The following CACNA2D1 variants were observed in gnomAD, a reference collection of about 807,000 sequenced individuals.
CACNA2D1 encodes the protein calcium voltage-gated channel auxiliary subunit alpha2delta 1.
Under a neutral mutation model 171.5 loss-of-function variants are expected in CACNA2D1, and 53 were observed. That is an observed-to-expected ratio of 0.31 (90% CI 0.25 to 0.39). The LOEUF is 0.39. Ranked by LOEUF, CACNA2D1 falls within the 10% of genes least tolerant of loss-of-function variation. CACNA2D1 has a pLI of 1.00. For missense variants in CACNA2D1, 903 were observed against 1,299.8 expected, an observed-to-expected ratio of 0.69 and a Z score of 4.69; for synonymous variants, 442 against 443.1, an observed-to-expected ratio of 1.00 and a Z score of 0.03.
chr7:82,156,413 T>C (rs1392945489), intron 4 of CACNA2D1, among the ~76,000 whole-genome samples: 1 of 152,126 alleles, frequency 6.6e-6, no homozygotes, highest in Non-Finnish European at 1.5e-5. Context: ...AAACTACTGC[T>C]ATAGATCAGT....
At chr7:81,996,045 A>G (rs1798010514) in intron 19 of CACNA2D1, among the ~76,000 whole-genome samples, 1 of 152,232 alleles carries the variant, frequency 6.6e-6, no homozygotes, top group Non-Finnish European at 1.5e-5. Context: ...AGGAAGGAGT[A>G]GATAACAGCT....
At chr7:82,281,753 G>A (rs371743927) in intron 3 of CACNA2D1, among the ~76,000 whole-genome samples, 12 of 152,050 alleles carry the variant, frequency 7.9e-5, no homozygotes, top group East Asian at 1.9e-4. Flanking sequence ...TCAAATGTAC[G>A]TGTCATTATG....
At chr7:82,375,655 C>T (rs1041564103) in intron 1 of CACNA2D1, among the ~76,000 whole-genome samples, 41 of 152,156 alleles carry the variant, frequency 2.7e-4, no homozygotes, top group Non-Finnish European at 7.3e-5. Flanking sequence ...ACAAAGTTAA[C>T]GAGCTTTCTG....
chr7:81,962,176 G>A (rs1794212769), intron 35 of CACNA2D1, among the ~76,000 whole-genome samples, 153 bp from the exon 36 acceptor site: 1 of 151,894 alleles, frequency 6.6e-6, no homozygotes, highest in African/African-American at 2.4e-5. Context: ...TAATATCGTG[G>A]CAGCCCGTAA....
rs764179836 is a variant in CACNA2D1 at position 82,435,030 on chromosome 7, CTTTTTTT to C, written c.95+8328_95+8334del. 3.0e-3 allele frequency among the ~76,000 whole-genome samples: 256 copies of C among 84,368 alleles called. 6 individuals are homozygous for C. In the South Asian group the frequency reaches 0.1, roughly 34 times the overall value. The allele number at this position is 84,368 out of a possible 152,430, so 55.3% of individuals were successfully genotyped here. On this transcript the variant is annotated intron_variant, in intron 1 of 38. Coordinates refer to ENST00000356860, the MANE Select transcript of CACNA2D1 (RefSeq NM_000722.4). ...TTTGTCTCCAAACTCTCTTCAGATA[CTTTTTTT>C]TTTTTTTTTTTTTTTTGAGACGGAG...
At chr7:82,272,479 C>T (rs74682954) in intron 3 of CACNA2D1, among the ~76,000 whole-genome samples, 1,646 of 152,228 alleles carry the variant, frequency 0.011, 26 homozygotes, top group African/African-American at 0.036. Flanking sequence ...AAGGATAGCA[C>T]GCAACGTAAG....
chr7:82,025,934 C>A (rs1231601100), intron 12 of CACNA2D1, among the ~76,000 whole-genome samples: 2 of 151,512 alleles, frequency 1.3e-5, no homozygotes, highest in Non-Finnish European at 3.0e-5. Flanking sequence ...TCAGTGCTGT[C>A]CATGTTTGCT....
chr7:82,076,033 C>T (rs757090470), intron 7 of CACNA2D1, among the ~76,000 whole-genome samples: 33 of 152,194 alleles, frequency 2.2e-4, no homozygotes, highest in Non-Finnish European at 3.5e-4. Context: ...CCTACTCTAA[C>T]CTGTGAGCAA....
At chr7:82,292,903 C>A (rs188032102) in intron 3 of CACNA2D1, among the ~76,000 whole-genome samples, 126 of 152,034 alleles carry the variant, frequency 8.3e-4, no homozygotes, top group African/African-American at 2.7e-3. Flanking sequence ...CATATGTATG[C>A]ATATATGTAT....
At chr7:82,296,045 T>C (rs1203659011) in intron 3 of CACNA2D1, among the ~76,000 whole-genome samples, 1 of 145,134 alleles carries the variant, frequency 6.9e-6, no homozygotes, top group Non-Finnish European at 1.5e-5. Context: ...CACTCATAGA[T>C]GGGAATTGAA....
At chr7:82,035,723 T>C (rs766946393) in intron 11 of CACNA2D1, among the ~76,000 whole-genome samples, 1 of 151,934 alleles carries the variant, frequency 6.6e-6, no homozygotes, top group Non-Finnish European at 1.5e-5. Context: ...GGAAAAAAAA[T>C]ACTAAGAAGA....
At chr7:82,417,075 T>G (rs1042447525) in intron 1 of CACNA2D1, among the ~76,000 whole-genome samples, 1 of 152,216 alleles carries the variant, frequency 6.6e-6, no homozygotes, top group African/African-American at 2.4e-5. Context: ...AATCTACATA[T>G]ATGTATAGAA....
At chr7:82,214,910 C>T (rs965857277) in intron 3 of CACNA2D1, among the ~76,000 whole-genome samples, 5 of 152,096 alleles carry the variant, frequency 3.3e-5, no homozygotes, top group African/African-American at 4.8e-5. Flanking sequence ...TTTGGTGAGA[C>T]ATTAACAAAA....
chr7:82,147,477 A>C (rs1248193670), intron 4 of CACNA2D1, among the ~76,000 whole-genome samples: 3 of 152,182 alleles, frequency 2.0e-5, no homozygotes, highest in Non-Finnish European at 2.9e-5. Flanking sequence ...ACTTGCTTTA[A>C]TCTCCTTTAA....
At chr7:82,060,896 C>A (rs1183017987) in intron 9 of CACNA2D1, among the ~76,000 whole-genome samples, 1 of 152,036 alleles carries the variant, frequency 6.6e-6, no homozygotes, top group Non-Finnish European at 1.5e-5. Flanking sequence ...TCCAGGGAAC[C>A]CATTGTTTGA....
intron 38 of CACNA2D1, among the ~76,000 whole-genome samples, chr7:81,955,424 C>T (rs894027864): frequency 6.6e-6 from 1 of 152,050 alleles, no homozygotes; most frequent in African/African-American, 2.4e-5. Context: ...TTAATTGTTT[C>T]AGAGAAAATA....
intron 1 of CACNA2D1, among the ~76,000 whole-genome samples, chr7:82,425,143 A>G (rs1051139166): frequency 8.5e-5 from 13 of 152,220 alleles, no homozygotes; most frequent in African/African-American, 2.9e-4. Flanking sequence ...GAATCAAAAA[A>G]GGGAGTATAA....
At chr7:82,006,073 T>C (rs1799087278) in intron 16 of CACNA2D1, among the ~76,000 whole-genome samples, 1 of 152,016 alleles carries the variant, frequency 6.6e-6, no homozygotes. Flanking sequence ...GAGGCTAAAA[T>C]ATATAAAGGA....
At chr7:82,120,235 A>T (rs1375539675) in intron 5 of CACNA2D1, among the ~76,000 whole-genome samples, 2 of 152,116 alleles carry the variant, frequency 1.3e-5, no homozygotes, top group Non-Finnish European at 1.5e-5. Flanking sequence ...CTGTGTGATG[A>T]AACAAGCCTT....
Sources: gnomAD v4.1 joint callset for allele counts (sites outside exome capture counted in the v4.1 genomes callset) on GRCh38, gnomAD v4.1.1 for gene constraint, MANE v1.5 for transcripts, NCBI Gene and HGNC (gene_info 2026-07-23, HGNC 2026-07-21) for gene names.